Variants in LRP1B observed in about 807,000 individuals in gnomAD.
The protein encoded by LRP1B is low-density lipoprotein receptor-related protein 1B.
LRP1B carries 217 observed loss-of-function variants against 556.6 expected under a neutral mutation model. The observed-to-expected ratio is 0.39, with a 90% CI of 0.35 to 0.44. The LOEUF is 0.44. Among genes scored for constraint, LRP1B ranks in the 20% least tolerant of loss-of-function variants. The probability of loss-of-function intolerance (pLI) is 1.00; values close to 1 mark genes in which losing one functional copy is unlikely to be tolerated. For synonymous variants in LRP1B, 2,047 were observed against 1,865.8 expected, an observed-to-expected ratio of 1.10 and a Z score of -2.50; for missense variants, 5,053 against 5,620.8, an observed-to-expected ratio of 0.90 and a Z score of 3.23.
intron 2 of LRP1B, among the ~76,000 whole-genome samples, chr2:141,777,189 T>C (rs1695107470): frequency 1.3e-5 from 2 of 152,206 alleles, no homozygotes; most frequent in South Asian, 4.1e-4. Flanking sequence ...TGAACATGGA[T>C]TTGTTCATTA....
chr2:141,690,400 T>TATAC (rs1691474979), intron 2 of LRP1B, among the ~76,000 whole-genome samples: 1 of 11,140 alleles, frequency 9.0e-5, no homozygotes, highest in South Asian at 3.8e-3. Flanking sequence ...TCTATAAATA[T>TATAC]ATATATATAT....
At chr2:142,076,992 C>G (rs1167378670) in intron 1 of LRP1B, among the ~76,000 whole-genome samples, 1 of 151,958 alleles carries the variant, frequency 6.6e-6, no homozygotes, top group African/African-American at 2.4e-5. Context: ...TTAGAGGATT[C>G]TGATAACCGT....
At chr2:140,522,061 T>C (rs757042065) in intron 49 of LRP1B, among the ~76,000 whole-genome samples, 6 of 152,042 alleles carry the variant, frequency 3.9e-5, no homozygotes, top group Non-Finnish European at 7.4e-5. Context: ...AAATTCTGAA[T>C]GTAATTCAAC....
intron 2 of LRP1B, among the ~76,000 whole-genome samples, chr2:141,505,484 A>C (rs1168030897): frequency 6.6e-6 from 1 of 152,118 alleles, no homozygotes; most frequent in Non-Finnish European, 1.5e-5. Context: ...CAAAGTTGAT[A>C]CTGTACCTGT....
chr2:140,710,636 C>CG (rs747461662), intron 37 of LRP1B, among the ~76,000 whole-genome samples: 3 of 151,772 alleles, frequency 2.0e-5, no homozygotes, highest in Non-Finnish European at 2.9e-5. Context: ...AAATATAATG[C>CG]TCACAGGAGC....
chr2:141,334,139 T>A (rs2105500783), intron 3 of LRP1B, among the ~76,000 whole-genome samples: 1 of 152,346 alleles, frequency 6.6e-6, no homozygotes, highest in Non-Finnish European at 1.5e-5. Flanking sequence ...TGAATGAACA[T>A]ACATGATTAC....
chr2:141,628,203 T>A (rs1688771732), intron 2 of LRP1B, among the ~76,000 whole-genome samples: 1 of 152,176 alleles, frequency 6.6e-6, no homozygotes, highest in Admixed American at 6.5e-5. Flanking sequence ...CTAATATTTC[T>A]TGTGACATTG....
intron 3 of LRP1B, among the ~76,000 whole-genome samples, chr2:141,294,534 G>A (rs866885055): frequency 4.6e-5 from 7 of 151,180 alleles, no homozygotes; most frequent in African/African-American, 1.7e-4. Flanking sequence ...ACCAGCTTGG[G>A]CAACATAACA....
intron 2 of LRP1B, among the ~76,000 whole-genome samples, chr2:141,558,354 G>A (rs914884513): frequency 1.3e-5 from 2 of 151,648 alleles, no homozygotes; most frequent in African/African-American, 2.4e-5. Flanking sequence ...AAAAGAGGTA[G>A]ATATTTTTTT....
intron 1 of LRP1B, among the ~76,000 whole-genome samples, chr2:141,976,354 G>T (rs1701886936): frequency 6.6e-6 from 1 of 152,062 alleles, no homozygotes; most frequent in African/African-American, 2.4e-5. Flanking sequence ...TTTCTTTATT[G>T]CAGTTTTGCT....
intron 1 of LRP1B, among the ~76,000 whole-genome samples, chr2:141,919,910 A>C (rs1017692473): frequency 5.9e-5 from 9 of 152,018 alleles, no homozygotes; most frequent in Non-Finnish European, 8.8e-5. Flanking sequence ...TTCAATAGAG[A>C]AATGTCAAAG....
chr2:140,973,155 C>T (rs1035386649), intron 18 of LRP1B, among the ~76,000 whole-genome samples: 2 of 150,078 alleles, frequency 1.3e-5, no homozygotes, highest in African/African-American at 4.9e-5. Context: ...AAATATCATA[C>T]ACTCAATATA....
At chr2:141,688,607 C>T (rs1691398523) in intron 2 of LRP1B, among the ~76,000 whole-genome samples, 1 of 151,706 alleles carries the variant, frequency 6.6e-6, no homozygotes, top group South Asian at 2.1e-4. Context: ...AACTGAGGCC[C>T]AGAGAGGTTA....
chr2:141,500,837 G>C (rs909840280), intron 2 of LRP1B, among the ~76,000 whole-genome samples: 17 of 152,060 alleles, frequency 1.1e-4, no homozygotes, highest in African/African-American at 3.4e-4. Flanking sequence ...GGATGATCTA[G>C]AGGCAACTCC....
At chr2:142,063,812 C>T (rs779751523) in intron 1 of LRP1B, among the ~76,000 whole-genome samples, 4 of 151,428 alleles carry the variant, frequency 2.6e-5, no homozygotes, top group Admixed American at 2.0e-4. Context: ...AAGTAGAAAT[C>T]GTCATACGAA....
At chr2:140,368,056 C>T (rs575351912) in intron 71 of LRP1B, among the ~76,000 whole-genome samples, 1 of 151,772 alleles carries the variant, frequency 6.6e-6, no homozygotes, top group African/African-American at 2.4e-5. Flanking sequence ...TGATGTTGTA[C>T]TCCAAAAAAT....
intron 43 of LRP1B, among the ~76,000 whole-genome samples, chr2:140,558,347 A>G (rs1221731703): frequency 6.6e-6 from 1 of 152,212 alleles, no homozygotes; most frequent in Non-Finnish European, 1.5e-5. Flanking sequence ...AAAAGTAGAA[A>G]TAACTCAAAT....
chr2:141,944,094 G>T (rs1558977303), intron 1 of LRP1B, among the ~76,000 whole-genome samples: 1 of 152,184 alleles, frequency 6.6e-6, no homozygotes, highest in South Asian at 2.1e-4. Flanking sequence ...CCGGGGACCC[G>T]TTTATACTTG....
rs540625795 is a variant in LRP1B at position 141,211,509 on chromosome 2, AC to A, written c.850+17673del. 3.4e-3 allele frequency among the ~76,000 whole-genome samples: 518 copies of A among 151,948 alleles called. 4 individuals carry two copies. The highest frequency in any genetic ancestry group is 0.012 in the African/African-American group (495 of 41,490). Reference sequence around the variant, plus strand: ...GTGGTGCGTGCCTGTAATCCCAGCTACTTGGGAGGCTGAGGCAGAATTGCTT... The same window carrying A: ...GTGGTGCGTGCCTGTAATCCCAGCTATTGGGAGGCTGAGGCAGAATTGCTT... On this transcript the variant is annotated intron_variant, in intron 6 of 90. Transcript: ENST00000389484.
Sources: gnomAD v4.1 joint callset for allele counts (sites outside exome capture counted in the v4.1 genomes callset) on GRCh38, gnomAD v4.1.1 for gene constraint, MANE v1.5 for transcripts, NCBI Gene and HGNC (gene_info 2026-07-23, HGNC 2026-07-21) for gene names.